The following GAS6 variants were observed in gnomAD, a reference collection of about 807,000 sequenced individuals.
GAS6 encodes the protein growth arrest specific 6.
GAS6 carries 41 observed loss-of-function variants against 75.8 expected under a neutral mutation model. The observed-to-expected ratio is 0.54, with a 90% CI of 0.42 to 0.70. The LOEUF is 0.70. GAS6 is among the 30% of genes least tolerant of loss of function. GAS6 has a pLI of 0.00. For missense variants in GAS6, 854 were observed against 940.2 expected (o/e 0.91, Z 1.20); for synonymous variants, 432 against 412.6 (o/e 1.05, Z -0.57).
intron 2 of GAS6, among the ~76,000 whole-genome samples, chr13:113,862,438 G>T (rs951411527): frequency 6.6e-6 from 1 of 152,232 alleles, no homozygotes; most frequent in Non-Finnish European, 1.5e-5. Context: ...AGGCCCACCT[G>T]CCTCAGCCAG....
intron 3 of GAS6, 53 bp from the exon 4 acceptor site, chr13:113,846,642 T>A: frequency 6.8e-7 from 1 of 1,477,602 alleles, no homozygotes; most frequent in Non-Finnish European, 9.5e-7. Flanking sequence ...CCGGATGGAC[T>A]GCAGAGCCTC....
At chr13:113,842,401 C>A (rs373849988) in intron 4 of GAS6, 4 of 393,494 alleles carry the variant, frequency 1.0e-5, no homozygotes, top group Non-Finnish European at 1.3e-5. Flanking sequence ...TTCGGAGTTA[C>A]GAGGAAACGA....
chr13:113,838,457 C>A (rs1312091605), intron 5 of GAS6, among the ~76,000 whole-genome samples: 1 of 131,346 alleles, frequency 7.6e-6, no homozygotes, highest in African/African-American at 3.0e-5. Flanking sequence ...AGGGAGGGAG[C>A]CCAGGGGTGC....
intron 8 of GAS6, among the ~76,000 whole-genome samples, chr13:113,833,915 GGTGTGACAGGCACCA>G (rs1244179726): frequency 2.7e-5 from 4 of 150,526 alleles, no homozygotes; most frequent in Admixed American, 1.3e-4. Flanking sequence ...GTGACAGGTC[GGTGTGACAGGCACCA>G]GTGTGACAGG....
chr13:113,840,038 G>C (rs1418694555), intron 4 of GAS6, 188 bp from the exon 5 acceptor site: 2 of 725,170 alleles, frequency 2.8e-6, no homozygotes, highest in South Asian at 2.0e-5. Flanking sequence ...ATAGGCTGGC[G>C]GGCCCTGGGG....
chr13:113,832,191 T>C, intron 10 of GAS6, 108 bp downstream of exon 10: 3 of 1,267,578 alleles, frequency 2.4e-6, no homozygotes, highest in Non-Finnish European at 3.3e-6. Flanking sequence ...ACGCAGCAGA[T>C]GCAGGCCCCA....
chr13:113,820,671 C>T lies in GAS6; in HGVS notation c.*193G>A, dbSNP rs533953963. 3.5e-5 allele frequency: 22 copies of T among 628,356 alleles called. No homozygotes were observed. The highest frequency in any genetic ancestry group is 8.9e-5 in the South Asian group (4 of 44,814). 38.9% of individuals were successfully genotyped at this position (628,356 alleles called of 1,614,324 possible). A position where few individuals can be genotyped will look rare whatever the true frequency, so the allele number is the denominator to read the frequency against. ...GCTCTGCGCTGCGCCGGCCTCCCCG[C>T]GCCCGGGCCCACGGCTGAGTGCGCG... is the stretch of plus-strand genomic sequence containing the variant. On this transcript the variant is annotated 3_prime_UTR_variant, in exon 15 of 15. Transcript: ENST00000327773.
intron 2 of GAS6, among the ~76,000 whole-genome samples, chr13:113,856,599 A>G (rs1337625096): frequency 6.6e-6 from 1 of 152,214 alleles, no homozygotes; most frequent in Non-Finnish European, 1.5e-5. Context: ...GGAAGTGAAC[A>G]GTTTCATCAT....
At chr13:113,857,734 G>A (rs969136858) in intron 2 of GAS6, among the ~76,000 whole-genome samples, 20 of 152,226 alleles carry the variant, frequency 1.3e-4, no homozygotes, top group Admixed American at 4.6e-4. Flanking sequence ...AAATAACAAA[G>A]GGAGACGTTC....
chr13:113,832,829 G>A (rs775060339), intron 8 of GAS6, 77 bp from the exon 9 acceptor site: 44 of 1,601,818 alleles, frequency 2.7e-5, no homozygotes, highest in East Asian at 1.1e-4. Context: ...CCCCGGCCGC[G>A]CAGCGGGTCC....
chr13:113,848,182 G>C lies in GAS6; in HGVS notation c.256-132C>G. On this transcript the variant is annotated intron_variant, in intron 2 of 14. Transcript: ENST00000327773. The surrounding 1 kb of genome is among the most constrained non-coding windows in gnomAD (Gnocchi z 4.8). ...AGAGGGCCGCCCCACCCGGGGAACTGAGGGGAAGTGACCGGGGCACGACTG... is the reference window on the plus strand; with the variant it reads ...AGAGGGCCGCCCCACCCGGGGAACTCAGGGGAAGTGACCGGGGCACGACTG... The C allele has an allele frequency of 1.0e-5, 9 of 890,672 alleles. No individual in the cohort carries two copies. The highest frequency in any genetic ancestry group is 1.6e-5 in the Non-Finnish European group (9 of 560,120). 55.2% of individuals were successfully genotyped at this position (890,672 alleles called of 1,614,324 possible). A position where few individuals can be genotyped will look rare whatever the true frequency, so the allele number is the denominator to read the frequency against.
Position 113,848,011 on chromosome 13 carries a change from G to A in GAS6, c.280+15C>T, listed in dbSNP as rs770633698. 1.9e-6 allele frequency: 3 copies of A among 1,611,370 alleles called. No individual in the cohort carries two copies. The highest frequency in any genetic ancestry group is 2.5e-6 in the Non-Finnish European group (3 of 1,178,254). Reference sequence around the variant, plus strand: ...CCTCTACGACAACCAGAGTAGAGAAGTAATTGAGACTTACCTAAGTATCTT... The same window carrying A: ...CCTCTACGACAACCAGAGTAGAGAAATAATTGAGACTTACCTAAGTATCTT... On this transcript the variant is annotated intron_variant, in intron 3 of 14. Coordinates refer to ENST00000327773, the MANE Select transcript of GAS6 (RefSeq NM_000820.4). The surrounding 1 kb of genome is among the most constrained non-coding windows in gnomAD (Gnocchi z 4.8).
Position 113,862,410 on chromosome 13 carries a change from C to T in GAS6, c.255+1165G>A, listed in dbSNP as rs1013483586. On this transcript the variant is annotated intron_variant, in intron 2 of 14. Transcript: ENST00000327773. ...CAACCCCACAGCTGGGCGGCGACTC[C>T]GAGCGACCAGGGCACACAGGCCCAC... 4.6e-5 allele frequency among the ~76,000 whole-genome samples: 7 copies of T among 152,220 alleles called. No homozygotes were observed. The South Asian group carries it at 8.3e-4, about 18-fold the overall frequency.
In GAS6 at chr13:113,823,103, C is replaced by T. The variant is rs187879748; in HGVS notation, c.1653+272G>A. On this transcript the variant is annotated intron_variant, in intron 13 of 14. Transcript: ENST00000327773. ...AGATTGCTGTGAGCCACCATCTGCC[C>T]AACCGAACAGGGGAAAAGCTCCCAC... 3.4e-3 allele frequency: 1,308 copies of T among 385,968 alleles called. 24 individuals carry two copies. Among genetic ancestry groups the T allele is most frequent in the East Asian group, 3.5e-3 (89 of 25,096 alleles). The allele number at this position is 385,968 out of a possible 1,614,324, so 23.9% of individuals were successfully genotyped here.
At chr13:113,826,408 C>T (rs1046557673) in intron 12 of GAS6, among the ~76,000 whole-genome samples, 1 of 146,802 alleles carries the variant, frequency 6.8e-6, no homozygotes, top group Non-Finnish European at 1.5e-5. Context: ...CCTTCTCTCC[C>T]CGGCCTCCCG....
At chr13:113,834,824 C>T (rs546929755) in intron 7 of GAS6, 152 bp from the exon 8 acceptor site, 6 of 790,718 alleles carry the variant, frequency 7.6e-6, no homozygotes, top group African/African-American at 5.3e-5. Flanking sequence ...CGCGTCCCCC[C>T]CCACTGGAAA....
chr13:113,832,690 C>G lies in GAS6; in HGVS notation c.897G>C (p.Arg299=), dbSNP rs906798049. The G allele has an allele frequency of 1.3e-5, 21 of 1,612,658 alleles. No individual in the cohort carries two copies. Among genetic ancestry groups the G allele is most frequent in the Non-Finnish European group, 1.7e-5 (20 of 1,179,978 alleles). The change falls in exon 9 of 15, where the codon CGG becomes CGC. Residue 299 remains arginine, a synonymous_variant. Coordinates refer to ENST00000327773, the MANE Select transcript of GAS6 (RefSeq NM_000820.4). Reference sequence around the variant, plus strand: ...GGATCACGGGGGTCCCACTGAACATCCGGCCCAGGTACAAGGACTTCACAC... The same window carrying G: ...GGATCACGGGGGTCCCACTGAACATGCGGCCCAGGTACAAGGACTTCACAC... ...AKSVKSLYLG[R]MFSGTPVIRL...
At chr13:113,857,754 C>A (rs1160732577) in intron 2 of GAS6, among the ~76,000 whole-genome samples, 1 of 152,234 alleles carries the variant, frequency 6.6e-6, no homozygotes, top group Non-Finnish European at 1.5e-5. Flanking sequence ...CAGCGTTTCT[C>A]AAAACGTCTT....
At chr13:113,827,387 G>A (rs575410871) in intron 11 of GAS6, among the ~76,000 whole-genome samples, 4 of 152,322 alleles carry the variant, frequency 2.6e-5, no homozygotes, top group African/African-American at 9.6e-5. Context: ...AGAACTAAAG[G>A]TTCATTTTAA....
Sources: gnomAD v4.1 joint callset for allele counts (sites outside exome capture counted in the v4.1 genomes callset) on GRCh38, gnomAD v4.1.1 for gene constraint, Gnocchi (gnomAD v3.1) non-coding constraint, MANE v1.5 for transcripts, NCBI Gene and HGNC (gene_info 2026-07-23, HGNC 2026-07-21) for gene names.